BCL9: variants seen among roughly 807,000 people sequenced by gnomAD.
BCL9 encodes BCL9 transcription coactivator, also known as B-cell CLL/lymphoma 9 protein.
BCL9 carries 25 observed loss-of-function variants against 88.5 expected under a neutral mutation model. The observed-to-expected ratio is 0.28, with a 90% CI of 0.21 to 0.39. BCL9 has a LOEUF of 0.39. Ranked by LOEUF, BCL9 falls within the 10% of genes least tolerant of loss-of-function variation. The probability of loss-of-function intolerance (pLI) is 1.00; values close to 1 mark genes in which losing one functional copy is unlikely to be tolerated. For missense variants in BCL9, 1,817 were observed against 1,877.8 expected, an observed-to-expected ratio of 0.97 and a Z score of 0.60; for synonymous variants, 711 against 673.3, an observed-to-expected ratio of 1.06 and a Z score of -0.87.
chr1:147,604,154 C>T lies in BCL9; in HGVS notation c.-477-623C>T, dbSNP rs187456175. On this transcript the variant is annotated intron_variant, in intron 1 of 9. Transcript: ENST00000234739. ...AATACCAGGGATGGTTACTTCCATT[C>T]GCCATTGAAGGCCATGCAAATTTTT... 9.2e-5 allele frequency among the ~76,000 whole-genome samples: 14 copies of T among 152,202 alleles called. No individual in the cohort carries two copies. In the East Asian group the frequency reaches 2.1e-3, roughly 23 times the overall value.
At chr1:147,564,660 G>A (rs971258586) in intron 1 of BCL9, among the ~76,000 whole-genome samples, 1 of 152,172 alleles carries the variant, frequency 6.6e-6, no homozygotes, top group Non-Finnish European at 1.5e-5. Flanking sequence ...AATTACAACT[G>A]TAAGGTACTA....
In BCL9 at chr1:147,624,153, A is replaced by G. The variant is rs1553206002; in HGVS notation, c.3475A>G (p.Ser1159Gly). 1 of 1,596,278 alleles carries G rather than the reference A, an allele frequency of 6.3e-7. No individual in the cohort carries two copies. Among genetic ancestry groups the G allele is most frequent in the African/African-American group, 1.3e-5 (1 of 74,652 alleles). The stretch of plus-strand genomic sequence containing the variant: ...GGTTCCATTCCCTCACAATGGCCCC[A>G]GTGGGGGGCAGGGCAGCTTCCCAGG... ...QQVPFPHNGP[S>G]GGQGSFPGGM... The change falls in exon 10 of 10, where the codon AGT becomes GGT. Residue 1159 changes from serine to glycine, a missense_variant. Around this residue, in one of 2 missense-constraint regions of BCL9, gnomAD observed 589 missense variants for 686.2 expected, o/e 0.86. Transcript: ENST00000234739. This position sits in a 1 kb window ranked among gnomAD's most constrained non-coding sequence, Gnocchi z 4.4.
At chr1:147,612,524 A>G (rs587690999) in intron 4 of BCL9, among the ~76,000 whole-genome samples, 70 of 152,240 alleles carry the variant, frequency 4.6e-4, no homozygotes, top group African/African-American at 1.6e-3. Flanking sequence ...GGGGGTGGGT[A>G]GTATTTTGAT....
intron 1 of BCL9, among the ~76,000 whole-genome samples, chr1:147,595,416 A>T (rs1396370449): frequency 6.6e-6 from 1 of 152,172 alleles, no homozygotes; most frequent in Non-Finnish European, 1.5e-5. Context: ...TGAGCTGGGA[A>T]GAGTCCAGTA....
chr1:147,568,341 C>G (rs1468014279), intron 1 of BCL9, among the ~76,000 whole-genome samples: 1 of 152,104 alleles, frequency 6.6e-6, no homozygotes, highest in Non-Finnish European at 1.5e-5. Context: ...TAGAATGCTC[C>G]ACTTCATTAT....
At chr1:147,545,154 C>A (rs1557815902) in intron 1 of BCL9, among the ~76,000 whole-genome samples, 1 of 152,182 alleles carries the variant, frequency 6.6e-6, no homozygotes, top group Non-Finnish European at 1.5e-5. Flanking sequence ...AAATAAGAGT[C>A]ATTTCTACAT....
intron 3 of BCL9, among the ~76,000 whole-genome samples, chr1:147,609,540 T>C (rs782270099): frequency 6.6e-6 from 1 of 152,258 alleles, no homozygotes; most frequent in Non-Finnish European, 1.5e-5. Flanking sequence ...TTCATTCATC[T>C]CTAAAATGCC....
rs782700431 is a variant in BCL9 at position 147,613,181 on chromosome 1, G to T, written c.352G>T (p.Asp118Tyr). 3 of 1,614,060 alleles carry T rather than the reference G, an allele frequency of 1.9e-6. No homozygotes were observed. The highest frequency in any genetic ancestry group is 1.7e-5 in the Admixed American group (1 of 60,006). Residue 118 changes from aspartate (D) to tyrosine (Y), a missense_variant, in exon 5 of 10, where the codon GAT becomes TAT. Physicochemically the swap from Asp to Tyr is radical, Grantham distance 160. Coordinates refer to ENST00000234739, the MANE Select transcript of BCL9 (RefSeq NM_004326.4). ...TCAGAGAGATCCTGGGACTCCAAAC[G>T]ATGACTCTGACATTAAAGGTATGTC... ...FDQRDPGTPN[D>Y]DSDIKECNSA...
At chr1:147,580,567 A>C (rs1224223013) in intron 1 of BCL9, among the ~76,000 whole-genome samples, 1 of 152,216 alleles carries the variant, frequency 6.6e-6, no homozygotes, top group African/African-American at 2.4e-5. Flanking sequence ...TAATTTTGAA[A>C]GCATAAACAT....
chr1:147,558,054 C>T (rs1340579123), intron 1 of BCL9, among the ~76,000 whole-genome samples: 1 of 152,122 alleles, frequency 6.6e-6, no homozygotes, highest in Non-Finnish European at 1.5e-5. Context: ...TGTATGTATA[C>T]CATACACACT....
At chr1:147,568,779 C>T (rs1655730901) in intron 1 of BCL9, among the ~76,000 whole-genome samples, 1 of 152,064 alleles carries the variant, frequency 6.6e-6, no homozygotes, top group Non-Finnish European at 1.5e-5. Context: ...TTGGGCGTTC[C>T]AAAAGAAGGA....
rs781876058 is a variant in BCL9 at position 147,624,513 on chromosome 1, G to A, written c.3835G>A (p.Glu1279Lys). 1.6e-5 allele frequency: 26 copies of A among 1,614,022 alleles called. No individual in the cohort carries two copies. The highest frequency in any genetic ancestry group is 2.2e-5 in the East Asian group (1 of 44,888). The change falls in exon 10 of 10, where the codon GAA becomes AAA. Residue 1279 changes from glutamate to lysine, a missense_variant. By Grantham distance (56) the Glu-to-Lys change is moderately conservative (BLOSUM62 1). Coordinates refer to ENST00000234739, the MANE Select transcript of BCL9 (RefSeq NM_004326.4). This position sits in a 1 kb window ranked among gnomAD's most constrained non-coding sequence, Gnocchi z 4.4. ...TTCACACATGCAGGGGATGATGGGC[G>A]AACAAGCCCCCAGAATGGGACTAGC... is the stretch of plus-strand genomic sequence containing the variant. ...GFSHMQGMMGEQAPRMGLALP... is the reference protein window; with the variant it reads ...GFSHMQGMMGKQAPRMGLALP...
chr1:147,546,883 C>A lies in BCL9; in HGVS notation c.-478+5209C>A, dbSNP rs1335895095. Among the ~76,000 whole-genome samples the A allele has an allele frequency of 2.0e-5, 3 of 152,178 alleles. No individual in the cohort carries two copies. The East Asian group carries it at 5.8e-4, about 29-fold the overall frequency. The stretch of plus-strand genomic sequence containing the variant: ...TGTGCAAGAGACCAAAGAACCATTT[C>A]TGAAAGAATAGGCTGTTTTGAATGC... On this transcript the variant is annotated intron_variant, in intron 1 of 9. Transcript: ENST00000234739.
intron 2 of BCL9, 52 bp downstream of exon 2, chr1:147,604,963 T>C (rs1429726901): frequency 2.6e-5 from 4 of 152,218 alleles, no homozygotes; most frequent in African/African-American, 9.7e-5. Flanking sequence ...TCTGAATATG[T>C]TGGATTTTTG....
intron 4 of BCL9, 25 bp downstream of exon 4, chr1:147,611,914 C>A (rs1484307608): frequency 6.2e-7 from 1 of 1,606,948 alleles, no homozygotes; most frequent in African/African-American, 1.3e-5. Flanking sequence ...GGGGCCTCTT[C>A]CTGCAGCCCC....
rs369389961 is a variant in BCL9 at position 147,621,003 on chromosome 1, C to T, written c.2848C>T (p.His950Tyr). The T allele has an allele frequency of 3.3e-5, 54 of 1,614,028 alleles. No individual in the cohort carries two copies. Among genetic ancestry groups the T allele is most frequent in the Non-Finnish European group, 4.6e-5 (54 of 1,180,026 alleles). ...TCAGAGTCCTGGGATCCCTCCAAAC[C>T]ATAAAGCACCCCTCACCATGGCCTC... ...PLQSPGIPPNHKAPLTMASPA... is the reference protein window; with the variant it reads ...PLQSPGIPPNYKAPLTMASPA... The change falls in exon 8 of 10, where the codon CAT (histidine) becomes TAT (tyrosine). Residue 950 changes from histidine (H) to tyrosine (Y), a missense_variant. This residue lies in a region of BCL9 where 589 missense variants were observed against 686.2 expected (regional missense o/e 0.86). Transcript: ENST00000234739.
rs147525341 is a variant in BCL9 at position 147,592,971 on chromosome 1, C to T, written c.-477-11806C>T. 2.5e-3 allele frequency among the ~76,000 whole-genome samples: 378 copies of T among 152,288 alleles called. 2 individuals are homozygous for T. The highest frequency in any genetic ancestry group is 2.2e-3 in the Non-Finnish European group (149 of 68,028). On this transcript the variant is annotated intron_variant, in intron 1 of 9. Transcript: ENST00000234739. ...GTAAGATTCAAAATCAGGTGGTTTC[C>T]ACCCTGAAGTGGGTTTTTGAATCAC...
intron 1 of BCL9, among the ~76,000 whole-genome samples, chr1:147,548,213 G>A (rs1318342711): frequency 6.6e-6 from 1 of 152,118 alleles, no homozygotes; most frequent in African/African-American, 2.4e-5. Context: ...TTTGCTGGGG[G>A]TCTGTGGACA....
At chr1:147,572,162 A>C (rs1431392741) in intron 1 of BCL9, among the ~76,000 whole-genome samples, 1 of 152,178 alleles carries the variant, frequency 6.6e-6, no homozygotes, top group Non-Finnish European at 1.5e-5. Context: ...GAATGGCGTG[A>C]ACCCAGGAGG....
Sources: gnomAD v4.1 joint callset for allele counts (sites outside exome capture counted in the v4.1 genomes callset) on GRCh38, gnomAD v4.1.1 for gene constraint, gnomAD v4.1.1 regional missense constraint, Gnocchi (gnomAD v3.1) non-coding constraint, MANE v1.5 for transcripts, NCBI Gene and HGNC (gene_info 2026-07-23, HGNC 2026-07-21) for gene names.